CACNA1C: variants seen among roughly 807,000 people sequenced by gnomAD.
CACNA1C encodes the protein voltage-dependent L-type calcium channel subunit alpha-1C.
Under a neutral mutation model 229.0 loss-of-function variants are expected in CACNA1C, and 30 were observed. The observed-to-expected ratio is 0.13, with a 90% confidence interval of 0.10 to 0.18. The LOEUF is 0.18. Ranked by LOEUF, CACNA1C falls within the 10% of genes least tolerant of loss-of-function variation. CACNA1C has a pLI of 1.00. For synonymous variants in CACNA1C, 1,114 were observed against 1,132.5 expected (o/e 0.98, Z 0.33); for missense variants, 1,658 against 2,845.0 (o/e 0.58, Z 9.49).
intron 1 of CACNA1C, among the ~76,000 whole-genome samples, chr12:2,009,078 G>A (rs945644541): frequency 2.6e-5 from 4 of 152,076 alleles, no homozygotes; most frequent in Non-Finnish European, 5.9e-5. Flanking sequence ...GAGTGCTGGC[G>A]TACTTCCACT....
intron 3 of CACNA1C, among the ~76,000 whole-genome samples, chr12:2,414,187 C>G (rs1299070404): frequency 6.6e-6 from 1 of 152,180 alleles, no homozygotes; most frequent in East Asian, 1.9e-4. Flanking sequence ...ACCCGTGTTC[C>G]AAGTGTCACT....
At chr12:2,247,353 T>C (rs1182577538) in intron 3 of CACNA1C, among the ~76,000 whole-genome samples, 1 of 152,264 alleles carries the variant, frequency 6.6e-6, no homozygotes, top group East Asian at 1.9e-4. Context: ...ATAAGTCTGA[T>C]GCTCTCTTGT....
At chr12:2,176,033 G>A (rs886488570) in intron 3 of CACNA1C, among the ~76,000 whole-genome samples, 4 of 152,126 alleles carry the variant, frequency 2.6e-5, no homozygotes, top group African/African-American at 7.2e-5. Flanking sequence ...ACAAATTGGT[G>A]TGCTATATAT....
At chr12:2,513,950 A>C (rs951365829) in intron 9 of CACNA1C, among the ~76,000 whole-genome samples, 1 of 152,180 alleles carries the variant, frequency 6.6e-6, no homozygotes, top group African/African-American at 2.4e-5. Flanking sequence ...TGTGACTCGA[A>C]TCATACTCTT....
At chr12:2,003,393 T>C (rs548805293) in intron 1 of CACNA1C, among the ~76,000 whole-genome samples, 1 of 152,252 alleles carries the variant, frequency 6.6e-6, no homozygotes, top group Admixed American at 6.5e-5. Context: ...TATTTTAAAA[T>C]GATGGATATC....
intron 3 of CACNA1C, among the ~76,000 whole-genome samples, chr12:2,261,753 A>T (rs1601237980): frequency 6.6e-6 from 1 of 152,220 alleles, no homozygotes; most frequent in Non-Finnish European, 1.5e-5. Context: ...CAACACACAC[A>T]CACACACAAC....
At chr12:2,568,676 A>AAT (rs2052634287) in intron 13 of CACNA1C, among the ~76,000 whole-genome samples, 1 of 152,212 alleles carries the variant, frequency 6.6e-6, no homozygotes, top group Admixed American at 6.5e-5. Flanking sequence ...CAGAAAGACA[A>AAT]ATACTGTATG....
chr12:2,247,247 T>C (rs1023960340), intron 3 of CACNA1C, among the ~76,000 whole-genome samples: 1 of 152,220 alleles, frequency 6.6e-6, no homozygotes, highest in Non-Finnish European at 1.5e-5. Flanking sequence ...GTGCATTGCA[T>C]GGAAGTTGGG....
intron 34 of CACNA1C, among the ~76,000 whole-genome samples, chr12:2,657,754 T>C (rs944700586): frequency 2.0e-5 from 3 of 151,948 alleles, no homozygotes; most frequent in African/African-American, 7.2e-5. Flanking sequence ...CAAAATGGCC[T>C]AAAGAAAATG....
intron 3 of CACNA1C, among the ~76,000 whole-genome samples, chr12:2,412,895 T>G (rs1025146781): frequency 6.6e-6 from 1 of 152,224 alleles, no homozygotes; most frequent in Non-Finnish European, 1.5e-5. Context: ...GAGAAAAGAC[T>G]CTGAAAAGCA....
intron 3 of CACNA1C, among the ~76,000 whole-genome samples, chr12:2,224,011 T>TG: frequency 6.6e-6 from 1 of 152,316 alleles, no homozygotes; most frequent in Admixed American, 6.5e-5. Context: ...AGAATACCTC[T>TG]GGAGAAATCA....
chr12:2,190,260 T>G (rs1048619351), intron 3 of CACNA1C, among the ~76,000 whole-genome samples: 1 of 152,214 alleles, frequency 6.6e-6, no homozygotes, highest in Non-Finnish European at 1.5e-5. Context: ...GATTTCAAAA[T>G]ACTGTAGGAT....
intron 29 of CACNA1C, among the ~76,000 whole-genome samples, chr12:2,629,657 C>T (rs1036995046): frequency 5.3e-5 from 8 of 152,190 alleles, no homozygotes; most frequent in Non-Finnish European, 1.0e-4. Flanking sequence ...TCCAGATCTG[C>T]CTCCAGAGAT....
At chr12:2,241,486 G>A (rs1253245715) in intron 3 of CACNA1C, among the ~76,000 whole-genome samples, 1 of 152,116 alleles carries the variant, frequency 6.6e-6, no homozygotes, top group African/African-American at 2.4e-5. Flanking sequence ...ATTGCAAAAC[G>A]TGTGCAGCCT....
At chr12:2,426,427 A>G (rs1488667902) in intron 3 of CACNA1C, among the ~76,000 whole-genome samples, 3 of 152,224 alleles carry the variant, frequency 2.0e-5, no homozygotes, top group African/African-American at 7.2e-5. Context: ...CTGAGGATAC[A>G]TGCAGTAGAT....
intron 3 of CACNA1C, among the ~76,000 whole-genome samples, chr12:2,367,388 T>C (rs1390676867): frequency 2.0e-5 from 3 of 152,090 alleles, no homozygotes; most frequent in Non-Finnish European, 4.4e-5. Context: ...GGACTCCTGC[T>C]CTATGAAACA....
Position 2,678,296 on chromosome 12 carries a change from G to A in CACNA1C, c.5091+429G>A, listed in dbSNP as rs563702028. 1.7e-3 allele frequency among the ~76,000 whole-genome samples: 257 copies of A among 152,286 alleles called. 3 individuals carry two copies. The highest frequency in any genetic ancestry group is 6.0e-3 in the African/African-American group (251 of 41,564). ...GTAATATTAAGCTTGCATTCCCACA[G>A]GGCAGCAGAGGGCCGGAGCCTAGAG... On this transcript the variant is annotated intron_variant, in intron 41 of 46. Coordinates refer to ENST00000399655, the MANE Select transcript of CACNA1C (RefSeq NM_000719.7). This position sits in a 1 kb window ranked among gnomAD's most constrained non-coding sequence, Gnocchi z 4.1.
At chr12:2,095,046 A>G (rs2073233746) in intron 1 of CACNA1C, among the ~76,000 whole-genome samples, 1 of 152,334 alleles carries the variant, frequency 6.6e-6, no homozygotes, top group African/African-American at 2.4e-5. Flanking sequence ...AGAAACGTAA[A>G]TAAGTTGCCC....
intron 3 of CACNA1C, among the ~76,000 whole-genome samples, chr12:2,237,039 C>T (rs1345635242): frequency 6.6e-6 from 1 of 152,182 alleles, no homozygotes; most frequent in Non-Finnish European, 1.5e-5. Context: ...ACATCTGAGT[C>T]TTGCTGTGTT....
Sources: allele counts gnomAD v4.1 joint callset (sites outside exome capture counted in the v4.1 genomes callset), GRCh38; gene constraint gnomAD v4.1.1; non-coding constraint Gnocchi (gnomAD v3.1); transcripts MANE v1.5; gene names NCBI Gene and HGNC (gene_info 2026-07-23, HGNC 2026-07-21).